ARHGEF18: variants seen among roughly 807,000 people sequenced by gnomAD.
The protein encoded by ARHGEF18 is rho guanine nucleotide exchange factor 18.
ARHGEF18 carries 93 observed loss-of-function variants against 155.7 expected under a neutral mutation model. The observed-to-expected ratio is 0.60, with a 90% CI of 0.50 to 0.71. ARHGEF18 has a LOEUF of 0.71. Ranked by LOEUF, ARHGEF18 falls within the 30% of genes least tolerant of loss-of-function variation. ARHGEF18 has a pLI of 0.00. For missense variants in ARHGEF18, 1,593 were observed against 1,816.1 expected, an observed-to-expected ratio of 0.88 and a Z score of 2.23; for synonymous variants, 742 against 753.1, an observed-to-expected ratio of 0.99 and a Z score of 0.24.
chr19:7,379,092 G>A, intron 6 of ARHGEF18, 30 bp from the exon 7 acceptor site: 1 of 1,232,050 alleles, frequency 8.1e-7, no homozygotes. Flanking sequence ...GCTACCATGG[G>A]CTGTTCTAAT....
At chr19:7,437,108 A>G (rs527700055) in intron 10 of ARHGEF18, among the ~76,000 whole-genome samples, 1 of 152,276 alleles carries the variant, frequency 6.6e-6, no homozygotes, top group East Asian at 1.9e-4. Context: ...CTCGTTAACA[A>G]TCACCTTCAA....
chr19:7,428,069 A>G (rs1367773002), intron 10 of ARHGEF18, among the ~76,000 whole-genome samples: 2 of 152,210 alleles, frequency 1.3e-5, no homozygotes, highest in East Asian at 1.9e-4. Context: ...AAACAGTAAG[A>G]AGAATAAGAT....
chr19:7,457,293 A>C (rs1293428204), intron 18 of ARHGEF18, among the ~76,000 whole-genome samples: 1 of 145,336 alleles, frequency 6.9e-6, no homozygotes, highest in East Asian at 2.1e-4. Context: ...TGTTAGAAGG[A>C]TGCCAGTCAG....
intron 10 of ARHGEF18, among the ~76,000 whole-genome samples, chr19:7,421,651 A>G (rs1391304367): frequency 6.6e-6 from 1 of 152,100 alleles, no homozygotes; most frequent in Non-Finnish European, 1.5e-5. Flanking sequence ...AATCCCAGCT[A>G]CTTGGGAGGC....
Position 7,362,774 on chromosome 19 carries a change from T to C in ARHGEF18, c.-110-7T>C, listed in dbSNP as rs538699726. The C allele has an allele frequency of 8.1e-7, 1 of 1,233,728 alleles. No homozygotes were observed. The highest frequency in any genetic ancestry group is 1.0e-6 in the Non-Finnish European group (1 of 987,958). 76.4% of individuals were successfully genotyped at this position (1,233,728 alleles called of 1,614,324 possible). A position where few individuals can be genotyped will look rare whatever the true frequency, so the allele number is the denominator to read the frequency against. ...TCCCTGACACCTTGTCCCTCCTTTC[T>C]CCACAGGCTCTGAGCCCAAGTCATG... On this transcript the variant is annotated splice_region_variant and splice_polypyrimidine_tract_variant and intron_variant, in intron 1 of 28. Transcript: ENST00000668164.
At chr19:7,452,764 C>A (rs889466107) in intron 16 of ARHGEF18, among the ~76,000 whole-genome samples, 1 of 151,798 alleles carries the variant, frequency 6.6e-6, no homozygotes, top group Admixed American at 6.6e-5. Context: ...CCATGCCCAG[C>A]TGGGAGTCTT....
downstream of ARHGEF18, among the ~76,000 whole-genome samples, chr19:7,474,803 T>G (rs1977184221): frequency 8.7e-6 from 1 of 115,602 alleles, no homozygotes; most frequent in African/African-American, 5.0e-5. Flanking sequence ...ACCCTCTGAT[T>G]TGCTCCACCC....
At chr19:7,460,557 T>C (rs10410669) in intron 20 of ARHGEF18, among the ~76,000 whole-genome samples, 115,403 of 149,256 alleles carry the variant, frequency 0.77, 44,774 homozygotes, top group East Asian at 0.85. Context: ...CCCCACCCCA[T>C]GCCCCAACCC....
At chr19:7,479,846 C>A in the ARHGEF18 span, among the ~76,000 whole-genome samples, 1 of 152,176 alleles carries the variant, frequency 6.6e-6, no homozygotes, top group Admixed American at 6.5e-5. Flanking sequence ...CATGGAGGGG[C>A]ATCAGTTGTA....
At chr19:7,451,411 T>TTTTC in intron 16 of ARHGEF18, 145 bp downstream of exon 16, 1 of 642,314 alleles carries the variant, frequency 1.6e-6, no homozygotes, top group East Asian at 2.9e-5. Flanking sequence ...TTCCTTTTTT[T>TTTTC]TTTTTTTTTT....
rs74427683 is a variant in ARHGEF18, at chr19:7,373,178, G to A, written c.275+107G>A. 9.1e-4 allele frequency: 1,111 copies of A among 1,216,330 alleles called. 9 individuals carry two copies. In the African/African-American group the frequency reaches 0.015, roughly 17 times the overall value. 75.3% of individuals were successfully genotyped at this position (1,216,330 alleles called of 1,614,324 possible). The stretch of plus-strand genomic sequence containing the variant: ...AGACAAGCCACCCCTTGCACCTGCC[G>A]TGGTCCCCAACCTTTTTGGTACCAG... On this transcript the variant is annotated intron_variant, in intron 3 of 28. Transcript: ENST00000668164.
At chr19:7,367,466 G>T (rs1316523738) in intron 2 of ARHGEF18, among the ~76,000 whole-genome samples, 1 of 151,990 alleles carries the variant, frequency 6.6e-6, no homozygotes, top group Non-Finnish European at 1.5e-5. Context: ...ACTAGCTGGG[G>T]CCGGGCGTGG....
rs571808141 is a variant in ARHGEF18 at position 7,416,402 on chromosome 19, C to T, written c.968-23942C>T. Among the ~76,000 whole-genome samples, 12 of 151,986 alleles carry T rather than the reference C, an allele frequency of 7.9e-5. No homozygotes were observed. The East Asian group carries it at 2.3e-3, about 29-fold the overall frequency. On this transcript the variant is annotated intron_variant, in intron 10 of 28. Coordinates refer to ENST00000668164, the MANE Select transcript of ARHGEF18 (RefSeq NM_001367823.1). ...GCAGTCCAGCCTGGGCAGCAGAGAC[C>T]TCATCTCTAAAATAACAATATAATA...
chr19:7,469,450 G>C (rs965354011), intron 27 of ARHGEF18, among the ~76,000 whole-genome samples: 1 of 152,204 alleles, frequency 6.6e-6, no homozygotes, highest in Non-Finnish European at 1.5e-5. Context: ...GCCGGGACAG[G>C]GACAGGTGCA....
At chr19:7,415,562 A>G (rs929159964) in intron 10 of ARHGEF18, among the ~76,000 whole-genome samples, 1 of 151,830 alleles carries the variant, frequency 6.6e-6, no homozygotes, top group African/African-American at 2.4e-5. Flanking sequence ...AGGGCCCCCA[A>G]GGCCCATGGC....
In ARHGEF18 at chr19:7,447,088, T is replaced by C. The variant is rs758639384; in HGVS notation, c.1657T>C (p.Phe553Leu). ...GAGAATGAAAGAAAAGTACGGTGTG[T>C]TTTGTAGTGGCCACAATGAAGCTGT... ...GERMKEKYGV[F>L]CSGHNEAVSH... The change falls in exon 15 of 29, where the codon TTT becomes CTT. Residue 553 changes from phenylalanine (F) to leucine (L), a missense_variant. Phe to Leu is a conservative substitution (Grantham distance 22). Transcript: ENST00000668164. 6.2e-7 allele frequency: 1 copy of C among 1,613,948 alleles called. No homozygotes were observed. The highest frequency in any genetic ancestry group is 1.1e-5 in the South Asian group (1 of 91,050).
chr19:7,395,736 G>A lies in ARHGEF18; in HGVS notation c.967+12533G>A, dbSNP rs1009881099. 1.3e-5 allele frequency among the ~76,000 whole-genome samples: 2 copies of A among 152,176 alleles called. No homozygotes were observed. The highest frequency in any genetic ancestry group is 2.9e-5 in the Non-Finnish European group (2 of 68,026). Reference sequence around the variant, plus strand: ...GTGCAAAACCGTGAGAACTATCTGTGCCATGGGTTTTAGTTTCTTGTATAA... The same window carrying A: ...GTGCAAAACCGTGAGAACTATCTGTACCATGGGTTTTAGTTTCTTGTATAA... On this transcript the variant is annotated intron_variant, in intron 10 of 28. Transcript: ENST00000668164. The surrounding 1 kb of genome is among the most constrained non-coding windows in gnomAD (Gnocchi z 5.0).
In ARHGEF18 at chr19:7,463,873, G is replaced by A. The variant is rs111258948; in HGVS notation, c.2691G>A (p.Ala897=). ...AGCTGGGCAGCGCCAACGGCCAGGC[G>A]GAAGACGGAGGCAGCTCCACAGGCC... ...CRQLGSANGQ[A]EDGGSSTGPP... is the part of the protein sequence containing the mutation. Residue 897 remains alanine (A), a synonymous_variant, in exon 22 of 29, where the codon GCG becomes GCA. Coordinates refer to ENST00000668164, the MANE Select transcript of ARHGEF18 (RefSeq NM_001367823.1). This position sits in a 1 kb window ranked among gnomAD's most constrained non-coding sequence, Gnocchi z 5.2. 1.1e-5 allele frequency: 18 copies of A among 1,602,864 alleles called. No homozygotes were observed. Among genetic ancestry groups the A allele is most frequent in the Admixed American group, 5.1e-5 (3 of 58,822 alleles).
chr19:7,397,501 G>GC (rs1226213984), intron 10 of ARHGEF18, among the ~76,000 whole-genome samples: 2 of 149,386 alleles, frequency 1.3e-5, no homozygotes, highest in African/African-American at 5.1e-5. Context: ...GGAGGCCCGG[G>GC]GGGGGGCAGA....
Sources: gnomAD v4.1 joint callset for allele counts (sites outside exome capture counted in the v4.1 genomes callset) on GRCh38, gnomAD v4.1.1 for gene constraint, Gnocchi (gnomAD v3.1) non-coding constraint, MANE v1.5 for transcripts, NCBI Gene and HGNC (gene_info 2026-07-23, HGNC 2026-07-21) for gene names.